RNF40: variants seen among roughly 807,000 people sequenced by gnomAD.
RNF40 encodes ring finger protein 40, also known as E3 ubiquitin-protein ligase BRE1B.
Under a neutral mutation model 123.3 loss-of-function variants are expected in RNF40, and 39 were observed. The ratio of observed to expected loss-of-function variants is 0.32; its 90% CI spans 0.24 to 0.41. RNF40 has a LOEUF of 0.41. RNF40 is among the 10% of genes least tolerant of loss of function. The probability of loss-of-function intolerance (pLI) is 1.00; values close to 1 mark genes in which losing one functional copy is unlikely to be tolerated. For synonymous variants in RNF40, 538 were observed against 526.0 expected, an observed-to-expected ratio of 1.02 and a Z score of -0.31; for missense variants, 1,003 against 1,319.9, an observed-to-expected ratio of 0.76 and a Z score of 3.72.
rs1267664760 is a variant in RNF40, at chr16:30,762,363, G to A, written c.-72+3G>A. 2 of 603,604 alleles carry A rather than the reference G, an allele frequency of 3.3e-6. No individual in the cohort carries two copies. Among genetic ancestry groups the A allele is most frequent in the Non-Finnish European group, 5.4e-6 (2 of 372,616 alleles). The allele number at this position is 603,604 out of a possible 1,614,324, so 37.4% of individuals were successfully genotyped here. A position where few individuals can be genotyped will look rare whatever the true frequency, so the allele number is the denominator to read the frequency against. On this transcript the variant is annotated splice_donor_region_variant and intron_variant, in intron 1 of 19. Coordinates refer to ENST00000324685, the MANE Select transcript of RNF40 (RefSeq NM_014771.4). ...GCGCTAGGCTGACCCTCCTGCTGGTGAGGGCTCTGGCGCCGGGGGGGACGG... is the reference window on the plus strand; with the variant it reads ...GCGCTAGGCTGACCCTCCTGCTGGTAAGGGCTCTGGCGCCGGGGGGGACGG...
In RNF40 at chr16:30,766,320, A is replaced by G; in HGVS notation, c.1113+38A>G. 2 of 1,613,810 alleles carry G rather than the reference A, an allele frequency of 1.2e-6. No individual in the cohort carries two copies. Among genetic ancestry groups the G allele is most frequent in the Non-Finnish European group, 1.7e-6 (2 of 1,179,812 alleles). On this transcript the variant is annotated intron_variant, in intron 9 of 19. Coordinates refer to ENST00000324685, the MANE Select transcript of RNF40 (RefSeq NM_014771.4). The surrounding 1 kb of genome is among the most constrained non-coding windows in gnomAD (Gnocchi z 5.4). ...AGGGGCTGAGAGGTCCTGGGCCTGT[A>G]AGGGAGGGACTGAGCCCTGAATCCT...
In RNF40 at chr16:30,762,351, C is replaced by T. The variant is rs1315576776; in HGVS notation, c.-81C>T. The T allele has an allele frequency of 8.9e-6, 5 of 561,808 alleles. No individual in the cohort carries two copies. Among genetic ancestry groups the T allele is most frequent in the East Asian group, 3.4e-5 (1 of 29,304 alleles). The allele number at this position is 561,808 out of a possible 1,614,324, so 34.8% of individuals were successfully genotyped here. On this transcript the variant is annotated 5_prime_UTR_variant, in exon 1 of 20. Coordinates refer to ENST00000324685, the MANE Select transcript of RNF40 (RefSeq NM_014771.4). The stretch of plus-strand genomic sequence containing the variant: ...TCCAAGATGGCGGCGCTAGGCTGAC[C>T]CTCCTGCTGGTGAGGGCTCTGGCGC...
Position 30,768,926 on chromosome 16 carries a change from G to A in RNF40, c.2186G>A (p.Arg729His), listed in dbSNP as rs561077721. The A allele has an allele frequency of 1.5e-5, 24 of 1,614,174 alleles. No homozygotes were observed. The South Asian group carries it at 2.3e-4, about 16-fold the overall frequency. The change falls in exon 15 of 20, where the codon CGC (arginine) becomes CAC (histidine). Residue 729 changes from arginine to histidine, a missense_variant. Arg to His is a conservative substitution (Grantham distance 29). Transcript: ENST00000324685. The surrounding 1 kb of genome is among the most constrained non-coding windows in gnomAD (Gnocchi z 4.1). ...ATCGCGGATGAGGATGCCCTGCGGC[G>A]CATTCGGCAGGCAGAGGAGCAGATA... The part of the protein sequence containing the change: ...KKIADEDALR[R>H]IRQAEEQIEH...
rs768532316 is a variant in RNF40 at position 30,769,338 on chromosome 16, C to T, written c.2400C>T (p.His800=). The T allele has an allele frequency of 6.2e-7, 1 of 1,614,240 alleles. No individual in the cohort carries two copies. The highest frequency in any genetic ancestry group is 8.5e-7 in the Non-Finnish European group (1 of 1,180,040). The change falls in exon 16 of 20, where the codon CAC becomes CAT. Residue 800 remains histidine, a synonymous_variant. Transcript: ENST00000324685. ...MSERIKANQI[H]KLLREEKDEL... ...AGCGGATCAAGGCCAACCAGATTCACAAGCTGCTGCGGGAGGAGAAGGATG... is the reference window on the plus strand; with the variant it reads ...AGCGGATCAAGGCCAACCAGATTCATAAGCTGCTGCGGGAGGAGAAGGATG...
At chr16:30,762,278 G>T (rs1019379665), upstream of RNF40, 5 of 344,668 alleles carry the variant, frequency 1.5e-5, no homozygotes, top group African/African-American at 4.9e-5. Context: ...GCGCACCGTT[G>T]GGGGGGGGGC....
chr16:30,763,441 T>G lies in RNF40; in HGVS notation c.324T>G (p.Leu108=), dbSNP rs764096413. The change falls in exon 4 of 20, where the codon CTT becomes CTG. Residue 108 remains leucine, a synonymous_variant. Transcript: ENST00000324685. ...AGCTGGATGAAACTGTGGAAGCCCT[T>G]CTCCGATGCCATGAGAGCCAGGGGG... The part of the protein sequence containing the change: ...WAQLDETVEA[L]LRCHESQGEL... The G allele has an allele frequency of 3.1e-6, 5 of 1,608,510 alleles. No homozygotes were observed. The South Asian group carries it at 5.5e-5, about 18-fold the overall frequency.
rs769775306 is a variant in RNF40, at chr16:30,766,154, A to G, written c.994-9A>G. 5.6e-6 allele frequency: 9 copies of G among 1,613,594 alleles called. No individual in the cohort carries two copies. The highest frequency in any genetic ancestry group is 6.8e-6 in the Non-Finnish European group (8 of 1,179,894). ...CCTGCCTCCCATGGCCCTGCCTCCCACTCCTTAGTTTGAGATGCTGAATGC... is the reference window on the plus strand; with the variant it reads ...CCTGCCTCCCATGGCCCTGCCTCCCGCTCCTTAGTTTGAGATGCTGAATGC... On this transcript the variant is annotated splice_polypyrimidine_tract_variant and intron_variant, in intron 8 of 19. Transcript: ENST00000324685. The surrounding 1 kb of genome is among the most constrained non-coding windows in gnomAD (Gnocchi z 5.4).
rs34599648 is a variant in RNF40 at position 30,765,700 on chromosome 16, A to G, written c.993+201A>G. The stretch of plus-strand genomic sequence containing the variant: ...AGGCACTAGGCATATTGGCGAGAAC[A>G]AAATAGAGGTCAAAACTTTCATGGA... On this transcript the variant is annotated intron_variant, in intron 8 of 19. Transcript: ENST00000324685. 6.7e-3 allele frequency among the ~76,000 whole-genome samples: 1,015 copies of G among 152,366 alleles called. 9 individuals carry two copies. The highest frequency in any genetic ancestry group is 0.021 in the South Asian group (101 of 4,824).
chr16:30,767,295 A>G (rs1418115497), intron 11 of RNF40, among the ~76,000 whole-genome samples: 1 of 152,248 alleles, frequency 6.6e-6, no homozygotes, highest in Non-Finnish European at 1.5e-5. Flanking sequence ...CTAGTAGAAG[A>G]AAAATGGAAA....
At chr16:30,764,474 C>A in intron 5 of RNF40, 89 bp downstream of exon 5, 3 of 1,152,274 alleles carry the variant, frequency 2.6e-6, no homozygotes, top group South Asian at 1.5e-5. Context: ...TGCCCGAGTC[C>A]AAGGGCGGCC....
At chr16:30,769,159 C>T (rs2054100259) in intron 15 of RNF40, 27 bp from the exon 16 acceptor site, 1 of 1,611,940 alleles carries the variant, frequency 6.2e-7, no homozygotes, top group Non-Finnish European at 8.5e-7. Context: ...TCCCACGTTC[C>T]ATCTTGTCTC....
At chr16:30,762,870 C>T (rs975432832) in intron 2 of RNF40, among the ~76,000 whole-genome samples, 193 bp downstream of exon 2, 1 of 152,238 alleles carries the variant, frequency 6.6e-6, no homozygotes, top group Non-Finnish European at 1.5e-5. Flanking sequence ...AAACAGGTTT[C>T]CAGGGGGCGT....
At position 30,766,798 on chromosome 16, in the gene RNF40, A is replaced by T; in HGVS notation, c.1351A>T (p.Thr451Ser). ...CACAGAGGTCATTCAGCTGGAGGAC[A>T]CGCTGGCCCAGGTACGCAAGGAGTA... ...LRTEVIQLED[T>S]LAQVRKEYEM... is the part of the protein sequence containing the mutation. Residue 451 changes from threonine to serine, a missense_variant, in exon 11 of 20, where the codon ACG becomes TCG. By Grantham distance (58) the Thr-to-Ser change is moderately conservative. Around this residue, in one of 11 missense-constraint regions of RNF40, gnomAD observed 274 missense variants for 356.9 expected, o/e 0.77. Transcript: ENST00000324685. The surrounding 1 kb of genome is among the most constrained non-coding windows in gnomAD (Gnocchi z 5.4). 6.2e-7 allele frequency: 1 copy of T among 1,614,064 alleles called. No individual in the cohort carries two copies.
rs772606021 is a variant in RNF40, at chr16:30,766,734, C to T, written c.1294-7C>T. On this transcript the variant is annotated splice_polypyrimidine_tract_variant and splice_region_variant and intron_variant, in intron 10 of 19. Transcript: ENST00000324685. This position sits in a 1 kb window ranked among gnomAD's most constrained non-coding sequence, Gnocchi z 5.4. ...GCTGTGTGGGTCCTTAACACATCAA[C>T]CCACAGAGCGACGAGCTGGGGCTGC... 6.2e-7 allele frequency: 1 copy of T among 1,613,880 alleles called. No homozygotes were observed. The highest frequency in any genetic ancestry group is 8.5e-7 in the Non-Finnish European group (1 of 1,179,978).
chr16:30,762,282 G>GA, upstream of RNF40: 2 of 463,634 alleles, frequency 4.3e-6, no homozygotes, highest in Non-Finnish European at 7.6e-6. Context: ...ACCGTTGGGG[G>GA]GGGGGCAGTG....
intron 1 of RNF40, 34 bp from the exon 2 acceptor site, chr16:30,762,441 C>A: frequency 2.4e-6 from 3 of 1,224,642 alleles, no homozygotes; most frequent in Non-Finnish European, 3.3e-6. Context: ...GGAACACCAG[C>A]CGTTCCCACA....
chr16:30,770,730 T>C (rs990815981), intron 17 of RNF40, among the ~76,000 whole-genome samples: 1 of 152,118 alleles, frequency 6.6e-6, no homozygotes, highest in Non-Finnish European at 1.5e-5. Context: ...TTGTTTTTTT[T>C]AGACGGAGTC....
In RNF40 at chr16:30,769,643, C is replaced by T. The variant is rs200513175; in HGVS notation, c.2586+43C>T. On this transcript the variant is annotated intron_variant, in intron 17 of 19. Coordinates refer to ENST00000324685, the MANE Select transcript of RNF40 (RefSeq NM_014771.4). Reference sequence around the variant, plus strand: ...GGACACACAGCTTGGGCTGCTGGCTCACCTCCTCACCTTCCGGTTCTGCTC... The same window carrying T: ...GGACACACAGCTTGGGCTGCTGGCTTACCTCCTCACCTTCCGGTTCTGCTC... 213 of 1,482,488 alleles carry T rather than the reference C, an allele frequency of 1.4e-4. No homozygotes were observed. The East Asian group carries it at 3.9e-3, about 27-fold the overall frequency. The allele number at this position is 1,482,488 out of a possible 1,614,324, so 91.8% of individuals were successfully genotyped here.
chr16:30,772,180 A>G lies in RNF40; in HGVS notation c.2819A>G (p.Lys940Arg). ...DADEILQEEIKEYKARLTCPC... is the reference protein window; with the variant it reads ...DADEILQEEIREYKARLTCPC... ...GACGAAATCCTCCAGGAGGAGATCA[A>G]GGAGTACAAGGTGGGGCTGTGGGCC... Residue 940 changes from lysine to arginine, a missense_variant, in exon 19 of 20, where the codon AAG becomes AGG. Transcript: ENST00000324685. 1.3e-6 allele frequency: 2 copies of G among 1,551,990 alleles called. No homozygotes were observed. The highest frequency in any genetic ancestry group is 1.7e-6 in the Non-Finnish European group (2 of 1,147,056).
Sources: gnomAD v4.1 joint callset for allele counts (sites outside exome capture counted in the v4.1 genomes callset) on GRCh38, gnomAD v4.1.1 for gene constraint, gnomAD v4.1.1 regional missense constraint, Gnocchi (gnomAD v3.1) non-coding constraint, MANE v1.5 for transcripts, NCBI Gene and HGNC (gene_info 2026-07-23, HGNC 2026-07-21) for gene names.